Variants in C10orf90 observed in about 807,000 individuals in gnomAD.
C10orf90 encodes (E2-independent) E3 ubiquitin-conjugating enzyme FATS.
A neutral mutation model predicts 62.5 loss-of-function variants in C10orf90; 56 were observed. The ratio of observed to expected loss-of-function variants is 0.90; its 90% CI spans 0.72 to 1.12. The LOEUF is 1.12. C10orf90 is among the 50% of genes most tolerant of loss of function. The pLI is 0.00. For missense variants in C10orf90, 970 were observed against 880.4 expected (o/e 1.10, Z -1.29); for synonymous variants, 386 against 340.4 (o/e 1.13, Z -1.47).
intron 1 of C10orf90, among the ~76,000 whole-genome samples, chr10:126,660,842 C>A (rs548966274): frequency 1.3e-5 from 2 of 152,296 alleles, no homozygotes; most frequent in African/African-American, 4.8e-5. Context: ...TCATCTCAGT[C>A]ATAAGTACAG....
chr10:126,483,218 A>G (rs1028287848), intron 4 of C10orf90, among the ~76,000 whole-genome samples: 5 of 152,270 alleles, frequency 3.3e-5, no homozygotes, highest in Non-Finnish European at 7.3e-5. Flanking sequence ...AACCAAGAGC[A>G]TTTCATTCTT....
intron 2 of C10orf90, among the ~76,000 whole-genome samples, chr10:126,598,957 A>G (rs1325801476): frequency 6.6e-6 from 1 of 152,142 alleles, no homozygotes; most frequent in Non-Finnish European, 1.5e-5. Context: ...CTCTATATTC[A>G]AAACAAATCT....
intron 2 of C10orf90, among the ~76,000 whole-genome samples, chr10:126,550,315 C>T (rs1047415617): frequency 6.6e-6 from 1 of 151,884 alleles, no homozygotes; most frequent in African/African-American, 2.4e-5. Context: ...AAGTGGTTGC[C>T]AGAGGTTAGG....
chr10:126,613,126 G>C (rs1294089351), intron 2 of C10orf90, among the ~76,000 whole-genome samples: 1 of 152,092 alleles, frequency 6.6e-6, no homozygotes. Context: ...GATATTAAAG[G>C]GCTCTAGACT....
Position 126,646,593 on chromosome 10 carries a change from C to T in C10orf90, c.285G>A (p.Trp95Ter), listed in dbSNP as rs1181037708. The T allele has an allele frequency of 4.4e-6, 2 of 449,846 alleles. No homozygotes were observed. The highest frequency in any genetic ancestry group is 2.0e-5 in the African/African-American group (1 of 49,776). 27.9% of individuals were successfully genotyped at this position (449,846 alleles called of 1,614,324 possible). ...LFSSPKDHSA[W>*]ERNESLSNAG... ...CATTGGAAAGACTTTCATTTCTTTC[C>T]CAGGCAGAATGATCTTTGGGGGATG... The change falls in exon 2 of 10, where the codon TGG (tryptophan) becomes TGA (stop). Residue 95 changes from tryptophan (W) to a stop codon, truncating the protein, a stop_gained. Coordinates refer to ENST00000488181, the MANE Select transcript of C10orf90 (RefSeq NM_001350921.2). LOFTEE classifies it high-confidence loss of function.
chr10:126,555,424 A>G (rs933864898), intron 2 of C10orf90, among the ~76,000 whole-genome samples: 1 of 152,020 alleles, frequency 6.6e-6, no homozygotes, highest in East Asian at 1.9e-4. Flanking sequence ...TGTAATCCCA[A>G]CACTTTGGAA....
intron 2 of C10orf90, among the ~76,000 whole-genome samples, chr10:126,622,127 A>G (rs1337461759): frequency 6.6e-6 from 1 of 152,064 alleles, no homozygotes; most frequent in Non-Finnish European, 1.5e-5. Flanking sequence ...GTCTGCAGGG[A>G]TCATATCTGG....
chr10:126,636,291 C>A (rs1386019278), intron 2 of C10orf90, among the ~76,000 whole-genome samples: 2 of 152,132 alleles, frequency 1.3e-5, no homozygotes, highest in Non-Finnish European at 2.9e-5. Context: ...CAGGCGTGGG[C>A]CTTCCTGCCT....
chr10:126,620,235 T>C (rs1036658393), intron 2 of C10orf90, among the ~76,000 whole-genome samples: 1 of 152,166 alleles, frequency 6.6e-6, no homozygotes, highest in Non-Finnish European at 1.5e-5. Flanking sequence ...AACCTTATTG[T>C]TTTAGCTTTT....
In C10orf90 at chr10:126,454,783, G is replaced by A. The variant is rs184508666; in HGVS notation, c.2188+4257C>T. Among the ~76,000 whole-genome samples the A allele has an allele frequency of 7.8e-4, 119 of 152,176 alleles. 1 individual carries two copies. The highest frequency in any genetic ancestry group is 2.9e-3 in the Admixed American group (44 of 15,292). On this transcript the variant is annotated intron_variant, in intron 7 of 9. Coordinates refer to ENST00000488181, the MANE Select transcript of C10orf90 (RefSeq NM_001350921.2). The stretch of plus-strand genomic sequence containing the variant: ...ACACGCTAATTCCCAGGTTATGGCC[G>A]GCCTTTGAACATGACCCAATCCACT...
At chr10:126,598,218 A>T (rs1845124270) in intron 2 of C10orf90, among the ~76,000 whole-genome samples, 1 of 152,270 alleles carries the variant, frequency 6.6e-6, no homozygotes, top group African/African-American at 2.4e-5. Context: ...GGTCCCATAC[A>T]CAGGATGCTG....
rs747509181 is a variant in C10orf90 at position 126,504,615 on chromosome 10, G to A, written c.876C>T (p.Cys292=). Residue 292 remains cysteine (C), a synonymous_variant, in exon 4 of 10, where the codon TGC becomes TGT. Transcript: ENST00000488181. The surrounding 1 kb of genome is among the most constrained non-coding windows in gnomAD (Gnocchi z 4.1). ...HPGRHQRSFA[C]TEFSRNSSVV... is the part of the protein sequence containing the mutation. ...CGGAGCTGTTTCTGGAGAACTCTGT[G>A]CAGGCAAAAGATCTCTGATGCCGAC... 3.1e-5 allele frequency: 50 copies of A among 1,614,132 alleles called. No homozygotes were observed. The highest frequency in any genetic ancestry group is 3.9e-5 in the Non-Finnish European group (46 of 1,180,056).
chr10:126,457,994 T>C (rs1399394324), intron 7 of C10orf90, among the ~76,000 whole-genome samples: 1 of 152,100 alleles, frequency 6.6e-6, no homozygotes, highest in Non-Finnish European at 1.5e-5. Context: ...TCTTGTCAAA[T>C]ATTTAGCCAC....
rs1014751929 is a variant in C10orf90, at chr10:126,597,124, A to G, written c.313+49441T>C. Among the ~76,000 whole-genome samples the G allele has an allele frequency of 6.6e-5, 10 of 152,242 alleles. No individual in the cohort carries two copies. The East Asian group carries it at 1.9e-3, about 29-fold the overall frequency. On this transcript the variant is annotated intron_variant, in intron 2 of 9. Coordinates refer to ENST00000488181, the MANE Select transcript of C10orf90 (RefSeq NM_001350921.2). ...TTGGGAATGTGAAGTAATACAGTTCACTTTGGAATACTGTTTGGCAATTTC... is the reference window on the plus strand; with the variant it reads ...TTGGGAATGTGAAGTAATACAGTTCGCTTTGGAATACTGTTTGGCAATTTC...
intron 2 of C10orf90, among the ~76,000 whole-genome samples, chr10:126,532,450 C>T (rs1864118869): frequency 6.6e-6 from 1 of 152,048 alleles, no homozygotes; most frequent in Non-Finnish European, 1.5e-5. Context: ...CCCTCATGGT[C>T]TCTGAGCTTT....
At chr10:126,593,877 G>A (rs774385060) in intron 2 of C10orf90, among the ~76,000 whole-genome samples, 5 of 152,054 alleles carry the variant, frequency 3.3e-5, no homozygotes, top group Non-Finnish European at 5.9e-5. Context: ...CAGTATCCTA[G>A]GTCTTCCAGG....
At chr10:126,523,311 T>C (rs983992127) in intron 2 of C10orf90, among the ~76,000 whole-genome samples, 4 of 152,106 alleles carry the variant, frequency 2.6e-5, no homozygotes, top group African/African-American at 4.8e-5. Context: ...AATACAATAA[T>C]GCACGTGAAA....
At chr10:126,521,360 AG>A in intron 2 of C10orf90, 1 of 1,613,730 alleles carries the variant, frequency 6.2e-7, no homozygotes. Context: ...TCAGTTTCAA[AG>A]GTCTTTTAAT....
intron 2 of C10orf90, among the ~76,000 whole-genome samples, chr10:126,560,202 G>A (rs577719926): frequency 6.6e-6 from 1 of 152,072 alleles, no homozygotes; most frequent in East Asian, 1.9e-4. Context: ...AATAATCCCC[G>A]CAACCTCAGT....
Sources: allele counts gnomAD v4.1 joint callset (sites outside exome capture counted in the v4.1 genomes callset), GRCh38; gene constraint gnomAD v4.1.1; non-coding constraint Gnocchi (gnomAD v3.1); transcripts MANE v1.5; gene names NCBI Gene and HGNC (gene_info 2026-07-23, HGNC 2026-07-21).